Variants in GNAZ observed in about 807,000 individuals in gnomAD.
The protein encoded by GNAZ is G protein subunit alpha z.
GNAZ carries 3 observed loss-of-function variants against 25.4 expected under a neutral mutation model. That is an observed-to-expected ratio of 0.12 (90% CI 0.05 to 0.30). The LOEUF (loss-of-function observed/expected upper bound fraction) is 0.30, where lower values mean the gene tolerates loss of function less well. Ranked by LOEUF, GNAZ falls within the 10% of genes least tolerant of loss-of-function variation. The pLI is 1.00. For missense variants in GNAZ, 241 were observed against 501.8 expected, an observed-to-expected ratio of 0.48 and a Z score of 4.97; for synonymous variants, 211 against 205.7, an observed-to-expected ratio of 1.03 and a Z score of -0.22.
At chr22:23,091,194 A>G (rs1473484153) in intron 1 of GNAZ, among the ~76,000 whole-genome samples, 1 of 152,242 alleles carries the variant, frequency 6.6e-6, no homozygotes, top group Non-Finnish European at 1.5e-5. Context: ...ACAGACATGT[A>G]CATGGATCTG....
chr22:23,092,614 T>C (rs2069013619), intron 1 of GNAZ, among the ~76,000 whole-genome samples: 1 of 152,218 alleles, frequency 6.6e-6, no homozygotes, highest in Non-Finnish European at 1.5e-5. Flanking sequence ...GCCCTGTCGT[T>C]GCCGGCGCAC....
At chr22:23,100,107 A>G (rs2069252648) in intron 2 of GNAZ, among the ~76,000 whole-genome samples, 1 of 152,148 alleles carries the variant, frequency 6.6e-6, no homozygotes. Flanking sequence ...CCTGTGATGG[A>G]CCTGCTGTGC....
In GNAZ at chr22:23,090,562, C is replaced by T. The variant is rs115859907; in HGVS notation, c.-449-4685C>T. On this transcript the variant is annotated intron_variant, in intron 1 of 2. Coordinates refer to ENST00000615612, the MANE Select transcript of GNAZ (RefSeq NM_002073.4). ...CTTAAGTGACCTCCTACCCTCTTGG[C>T]ACCAGCCACATGGCCTCCTTCCTGC... 5.1e-3 allele frequency among the ~76,000 whole-genome samples: 778 copies of T among 152,328 alleles called. 5 individuals carry two copies. The highest frequency in any genetic ancestry group is 0.018 in the African/African-American group (739 of 41,562).
rs554164784 is a variant in GNAZ at position 23,082,509 on chromosome 22, G to A, written c.-450+11939G>A. On this transcript the variant is annotated intron_variant, in intron 1 of 2. Coordinates refer to ENST00000615612, the MANE Select transcript of GNAZ (RefSeq NM_002073.4). ...GCTGGGATTACAGGCATGAGCCACC[G>A]CGCCCGGCCTCGTTGTGTTTTTTTG... Among the ~76,000 whole-genome samples the A allele has an allele frequency of 1.1e-4, 17 of 151,606 alleles. No homozygotes were observed. In the East Asian group the frequency reaches 3.1e-3, roughly 28 times the overall value.
chr22:23,094,962 G>A (rs2069081046), intron 1 of GNAZ, among the ~76,000 whole-genome samples: 1 of 152,240 alleles, frequency 6.6e-6, no homozygotes, highest in African/African-American at 2.4e-5. Context: ...TGCGGTAGAA[G>A]TGAGTCCAGC....
At position 23,071,765 on chromosome 22, in the gene GNAZ, G is replaced by A. The variant is rs568817799; in HGVS notation, c.-450+1195G>A. On this transcript the variant is annotated intron_variant, in intron 1 of 2. Coordinates refer to ENST00000615612, the MANE Select transcript of GNAZ (RefSeq NM_002073.4). This position sits in a 1 kb window ranked among gnomAD's most constrained non-coding sequence, Gnocchi z 4.1. ...CTGGGCTGGGGGGTCAGGTGAGCTC[G>A]TGGGCAACATGACATTTGAACTGGA... Among the ~76,000 whole-genome samples, 7 of 152,334 alleles carry A rather than the reference G, an allele frequency of 4.6e-5. No homozygotes were observed. In the South Asian group the frequency reaches 8.3e-4, roughly 18 times the overall value.
chr22:23,105,114 G>A (rs2069424594), intron 2 of GNAZ, among the ~76,000 whole-genome samples: 1 of 152,132 alleles, frequency 6.6e-6, no homozygotes, highest in African/African-American at 2.4e-5. Flanking sequence ...GAGTCGACTG[G>A]GGGCCCTGGG....
At chr22:23,094,400 G>C (rs1333927864) in intron 1 of GNAZ, among the ~76,000 whole-genome samples, 1 of 152,124 alleles carries the variant, frequency 6.6e-6, no homozygotes, top group African/African-American at 2.4e-5. Flanking sequence ...GGATGGGGAG[G>C]CCCTGACTCG....
At position 23,123,444 on chromosome 22, in the gene GNAZ, G is replaced by A. The variant is rs41311051; in HGVS notation, c.*13G>A. 5,114 of 1,563,726 alleles carry A rather than the reference G, an allele frequency of 3.3e-3. 16 individuals carry two copies. The highest frequency in any genetic ancestry group is 5.7e-3 in the Middle Eastern group (34 of 5,946). On this transcript the variant is annotated 3_prime_UTR_variant, in exon 3 of 3. Transcript: ENST00000615612. ...TGGCCTTTGCTGAGGAGCTGGGCCC[G>A]GGGCCCGCCTGCCTATGGTGAAACC...
intron 2 of GNAZ, among the ~76,000 whole-genome samples, chr22:23,100,459 CG>C (rs1294581162): frequency 3.9e-5 from 6 of 152,172 alleles, no homozygotes; most frequent in Non-Finnish European, 7.4e-5. Context: ...ATCCAGGGGA[CG>C]GGGGACATAA....
intron 2 of GNAZ, among the ~76,000 whole-genome samples, chr22:23,115,785 C>G (rs928387615): frequency 2.6e-5 from 4 of 152,232 alleles, no homozygotes; most frequent in Non-Finnish European, 5.9e-5. Context: ...TTCTAAACCT[C>G]AGTTTATTTG....
intron 2 of GNAZ, among the ~76,000 whole-genome samples, chr22:23,115,754 C>G (rs572082517): frequency 1.3e-5 from 2 of 152,236 alleles, no homozygotes; most frequent in African/African-American, 2.4e-5. Context: ...GCCATTTTGA[C>G]TGGGTCTTTT....
rs1297177641 is a variant in GNAZ, at chr22:23,124,530, A to G, written c.*1099A>G. The G allele has an allele frequency of 3.3e-6, 1 of 305,536 alleles. No homozygotes were observed. The highest frequency in any genetic ancestry group is 7.3e-6 in the Non-Finnish European group (1 of 137,246). 18.9% of individuals were successfully genotyped at this position (305,536 alleles called of 1,614,324 possible). A position where few individuals can be genotyped will look rare whatever the true frequency, so the allele number is the denominator to read the frequency against. On this transcript the variant is annotated 3_prime_UTR_variant, in exon 3 of 3. Transcript: ENST00000615612. ...GTTTTTATTTAAGAAAATAAACACGACATATTTAAAGAAGGTTCTTTCACC... is the reference window on the plus strand; with the variant it reads ...GTTTTTATTTAAGAAAATAAACACGGCATATTTAAAGAAGGTTCTTTCACC...
At chr22:23,077,192 C>A (rs933650021) in intron 1 of GNAZ, among the ~76,000 whole-genome samples, 1 of 152,106 alleles carries the variant, frequency 6.6e-6, no homozygotes, top group Admixed American at 6.5e-5. Flanking sequence ...CAGCTTTAAC[C>A]CACCCTATCT....
intron 1 of GNAZ, among the ~76,000 whole-genome samples, chr22:23,073,005 T>G (rs534187337): frequency 3.9e-5 from 6 of 152,208 alleles, no homozygotes; most frequent in Non-Finnish European, 7.3e-5. Flanking sequence ...ATGCTGAATA[T>G]AGCAATTCAG....
intron 2 of GNAZ, among the ~76,000 whole-genome samples, chr22:23,103,148 CTGGCTCACAA>C (rs959518005): frequency 1.3e-5 from 2 of 152,232 alleles, no homozygotes; most frequent in Non-Finnish European, 2.9e-5. Flanking sequence ...CTGGCTCATA[CTGGCTCACAA>C]GAGCTAATTT....
At chr22:23,122,567 G>A (rs16997606) in intron 2 of GNAZ, 4,423 of 155,468 alleles carry the variant, frequency 0.028, 227 homozygotes, top group African/African-American at 0.1. Flanking sequence ...CCTAGTGTCC[G>A]ATGGTACCAC....
Position 23,123,512 on chromosome 22 carries a change from C to A in GNAZ, c.*81C>A. 1 of 862,436 alleles carries A rather than the reference C, an allele frequency of 1.2e-6. No homozygotes were observed. Among genetic ancestry groups the A allele is most frequent in the Non-Finnish European group, 1.8e-6 (1 of 551,022 alleles). 53.4% of individuals were successfully genotyped at this position (862,436 alleles called of 1,614,324 possible). ...CAACGCGTGCTAGAGAGGCCCAATC[C>A]AGGGGCAGAAAACAGGGGGCCTAAA... On this transcript the variant is annotated 3_prime_UTR_variant, in exon 3 of 3. Transcript: ENST00000615612.
chr22:23,072,532 T>C (rs2068406033), intron 1 of GNAZ, among the ~76,000 whole-genome samples: 1 of 152,234 alleles, frequency 6.6e-6, no homozygotes, highest in Non-Finnish European at 1.5e-5. Flanking sequence ...GGGATGTTTT[T>C]GCTCTCCCTC....
Sources: allele counts gnomAD v4.1 joint callset (sites outside exome capture counted in the v4.1 genomes callset), GRCh38; gene constraint gnomAD v4.1.1; non-coding constraint Gnocchi (gnomAD v3.1); transcripts MANE v1.5; gene names NCBI Gene and HGNC (gene_info 2026-07-23, HGNC 2026-07-21).